NECAB1: variants seen among roughly 807,000 people sequenced by gnomAD.
NECAB1 encodes N-terminal EF-hand calcium binding protein 1.
A neutral mutation model predicts 57.5 loss-of-function variants in NECAB1; 29 were observed. The ratio of observed to expected loss-of-function variants is 0.50; its 90% CI spans 0.38 to 0.69. The LOEUF is 0.69. Ranked by LOEUF, NECAB1 falls within the 30% of genes least tolerant of loss-of-function variation. The pLI is 0.00. For missense variants in NECAB1, 372 were observed against 413.8 expected (o/e 0.90, Z 0.88); for synonymous variants, 142 against 147.7 (o/e 0.96, Z 0.28).
chr8:90,959,176 T>C lies in NECAB1; in HGVS notation c.*3664T>C. On this transcript the variant is annotated 3_prime_UTR_variant, in exon 13 of 13. Transcript: ENST00000417640. ...TAGAAACTATTAAAGTAACTAGAAC[T>C]GTCAAATAACAAAACGGCTCATGTT... 2.3e-6 allele frequency: 1 copy of C among 432,962 alleles called. No homozygotes were observed. The highest frequency in any genetic ancestry group is 4.5e-5 in the Admixed American group (1 of 22,400). 26.8% of individuals were successfully genotyped at this position (432,962 alleles called of 1,614,324 possible).
intron 10 of NECAB1, 57 bp downstream of exon 10, chr8:90,940,955 G>A (rs1586144922): frequency 1.5e-6 from 2 of 1,299,216 alleles, no homozygotes; most frequent in Non-Finnish European, 2.2e-6. Flanking sequence ...TACAGTGAAG[G>A]CATTTCTTAC....
intron 8 of NECAB1, among the ~76,000 whole-genome samples, chr8:90,929,916 A>C (rs1586135651): frequency 6.6e-6 from 1 of 152,154 alleles, no homozygotes; most frequent in Admixed American, 6.6e-5. Context: ...GTAACAAATA[A>C]GGTTGTATGG....
intron 5 of NECAB1, among the ~76,000 whole-genome samples, chr8:90,882,123 T>G (rs1808853211): frequency 6.6e-6 from 1 of 152,104 alleles, no homozygotes; most frequent in South Asian, 2.1e-4. Context: ...AGCAAATAAT[T>G]TAAGCAGAAA....
At chr8:90,876,654 G>A (rs193079435) in intron 4 of NECAB1, among the ~76,000 whole-genome samples, 244 of 152,114 alleles carry the variant, frequency 1.6e-3, no homozygotes, top group Non-Finnish European at 2.3e-3. Flanking sequence ...CAGAAAGGCA[G>A]GTAGAAACTA....
In NECAB1 at chr8:90,804,146, T is replaced by C. The variant is rs78921251; in HGVS notation, c.124+2431T>C. Reference sequence around the variant, plus strand: ...GTGCTAGATGCTCAATAGACATTTGTTTAATGAATTAAGAAGAAAATACAG... The same window carrying C: ...GTGCTAGATGCTCAATAGACATTTGCTTAATGAATTAAGAAGAAAATACAG... On this transcript the variant is annotated intron_variant, in intron 2 of 12. Coordinates refer to ENST00000417640, the MANE Select transcript of NECAB1 (RefSeq NM_022351.5). Among the ~76,000 whole-genome samples the C allele has an allele frequency of 5.6e-3, 854 of 152,300 alleles. 7 individuals are homozygous for C. Among genetic ancestry groups the C allele is most frequent in the African/African-American group, 0.019 (773 of 41,558 alleles).
intron 12 of NECAB1, among the ~76,000 whole-genome samples, chr8:90,954,757 TTATAAATATCATATAGG>T (rs1261237653): frequency 2.7e-5 from 4 of 150,400 alleles, no homozygotes; most frequent in African/African-American, 7.3e-5. Flanking sequence ...TATATGGTAT[TTATAAATATCATATAGG>T]TATAAATATA....
chr8:90,827,536 A>G (rs935997819), intron 3 of NECAB1, among the ~76,000 whole-genome samples: 3 of 152,020 alleles, frequency 2.0e-5, no homozygotes, highest in Admixed American at 6.6e-5. Context: ...GAATGTTCTA[A>G]GACAGTGTTA....
At chr8:90,823,069 A>G (rs1812170165) in intron 2 of NECAB1, among the ~76,000 whole-genome samples, 1 of 151,792 alleles carries the variant, frequency 6.6e-6, no homozygotes, top group African/African-American at 2.4e-5. Flanking sequence ...GAGGCATAAA[A>G]CTACCTCATT....
chr8:90,828,466 C>T (rs1480496964), intron 3 of NECAB1, among the ~76,000 whole-genome samples: 1 of 152,018 alleles, frequency 6.6e-6, no homozygotes, highest in Non-Finnish European at 1.5e-5. Context: ...TCAGTATAAT[C>T]TCACTCTAAT....
chr8:90,941,232 A>G (rs1367823612), intron 10 of NECAB1, among the ~76,000 whole-genome samples: 1 of 152,230 alleles, frequency 6.6e-6, no homozygotes, highest in Non-Finnish European at 1.5e-5. Flanking sequence ...CCACACTCTG[A>G]TTTAAAATCA....
At chr8:90,851,857 T>A (rs1812689627) in intron 3 of NECAB1, among the ~76,000 whole-genome samples, 1 of 152,132 alleles carries the variant, frequency 6.6e-6, no homozygotes, top group African/African-American at 2.4e-5. Flanking sequence ...AAATTTATAA[T>A]AACATGTACC....
intron 3 of NECAB1, among the ~76,000 whole-genome samples, chr8:90,857,995 A>C (rs6471260): frequency 0.49 from 74,992 of 152,042 alleles, 23,260 homozygotes; most frequent in African/African-American, 0.86. Flanking sequence ...TGTTATAGAA[A>C]GTCTTCTGAA....
At chr8:90,931,310 C>A (rs946879554) in intron 8 of NECAB1, among the ~76,000 whole-genome samples, 1 of 152,166 alleles carries the variant, frequency 6.6e-6, no homozygotes, top group African/African-American at 2.4e-5. Flanking sequence ...TGGCTGAGTA[C>A]GTCATTTCAC....
At chr8:90,923,766 G>C (rs780299293) in intron 6 of NECAB1, among the ~76,000 whole-genome samples, 4 of 152,230 alleles carry the variant, frequency 2.6e-5, no homozygotes, top group African/African-American at 9.6e-5. Flanking sequence ...CACAAAAGAG[G>C]TCTTGGAAAT....
intron 9 of NECAB1, among the ~76,000 whole-genome samples, chr8:90,937,763 T>A (rs1810571492): frequency 6.6e-6 from 1 of 152,228 alleles, no homozygotes; most frequent in Non-Finnish European, 1.5e-5. Flanking sequence ...ACATTGTTGT[T>A]GTAATACACT....
Position 90,958,947 on chromosome 8 carries a change from T to C in NECAB1, c.*3435T>C. 2 of 1,022,542 alleles carry C rather than the reference T, an allele frequency of 2.0e-6. No homozygotes were observed. Among genetic ancestry groups the C allele is most frequent in the Non-Finnish European group, 2.8e-6 (2 of 707,186 alleles). The allele number at this position is 1,022,542 out of a possible 1,614,324, so 63.3% of individuals were successfully genotyped here. A position where few individuals can be genotyped will look rare whatever the true frequency, so the allele number is the denominator to read the frequency against. On this transcript the variant is annotated 3_prime_UTR_variant, in exon 13 of 13. Transcript: ENST00000417640. Reference sequence around the variant, plus strand: ...AATTGTCACAGTCCATTACAGTTATTGTTGCTAGATCCACCTCATTTGCAG... The same window carrying C: ...AATTGTCACAGTCCATTACAGTTATCGTTGCTAGATCCACCTCATTTGCAG...
intron 8 of NECAB1, among the ~76,000 whole-genome samples, chr8:90,930,849 C>T (rs1327486579): frequency 6.6e-6 from 1 of 152,110 alleles, no homozygotes; most frequent in Non-Finnish European, 1.5e-5. Flanking sequence ...CCTCTATTTG[C>T]AAACTAAAGC....
chr8:90,887,960 A>G (rs1809049153), intron 5 of NECAB1, among the ~76,000 whole-genome samples: 1 of 152,240 alleles, frequency 6.6e-6, no homozygotes, highest in Non-Finnish European at 1.5e-5. Context: ...GCTCCAGGTC[A>G]ACTGCTGGTG....
chr8:90,804,047 T>C (rs1331381673), intron 2 of NECAB1, among the ~76,000 whole-genome samples: 1 of 152,204 alleles, frequency 6.6e-6, no homozygotes, highest in Non-Finnish European at 1.5e-5. Flanking sequence ...TGGCTGGAGA[T>C]TGTATTTCTC....
Sources: gnomAD v4.1 joint callset for allele counts (sites outside exome capture counted in the v4.1 genomes callset) on GRCh38, gnomAD v4.1.1 for gene constraint, MANE v1.5 for transcripts, NCBI Gene and HGNC (gene_info 2026-07-23, HGNC 2026-07-21) for gene names.